Variants in NPFFR2 observed in about 807,000 individuals in gnomAD.
NPFFR2 encodes neuropeptide FF receptor 2.
A neutral mutation model predicts 13.1 loss-of-function variants in NPFFR2; 15 were observed. The observed-to-expected ratio is 1.15, with a 90% CI of 0.77 to 1.76. NPFFR2 has a LOEUF of 1.76. Among genes scored for constraint, NPFFR2 ranks in the 40% most tolerant of loss-of-function variants. NPFFR2 has a pLI of 0.00. For missense variants in NPFFR2, 572 were observed against 503.5 expected, an observed-to-expected ratio of 1.14 and a Z score of -1.30; for synonymous variants, 190 against 175.7, an observed-to-expected ratio of 1.08 and a Z score of -0.65.
At chr4:72,051,340 T>C (rs1231670903) in intron 1 of NPFFR2, among the ~76,000 whole-genome samples, 2 of 152,086 alleles carry the variant, frequency 1.3e-5, no homozygotes, top group African/African-American at 4.8e-5. Flanking sequence ...ATTAAGAAAC[T>C]CACTCAAAAC....
rs1304082909 is a variant in NPFFR2, at chr4:72,102,532, C to G, written c.-7-26053C>G. Among the ~76,000 whole-genome samples, 3 of 132,108 alleles carry G rather than the reference C, an allele frequency of 2.3e-5. No individual in the cohort carries two copies. The Admixed American group carries it at 2.4e-4, about 10-fold the overall frequency. 86.7% of individuals were successfully genotyped at this position (132,108 alleles called of 152,430 possible). ...CTAATGCTATCCCTCCCCCCTCCCC[C>G]CACCCACAACAGTCCCCGGTGTGTG... On this transcript the variant is annotated intron_variant, in intron 1 of 3. Transcript: ENST00000308744.
Position 72,147,587 on chromosome 4 carries a change from A to G in NPFFR2, c.1038A>G (p.Glu346=). 2 of 1,614,100 alleles carry G rather than the reference A, an allele frequency of 1.2e-6. No homozygotes were observed. Among genetic ancestry groups the G allele is most frequent in the East Asian group, 2.2e-5 (1 of 44,884 alleles). ...FNENFRRGFQ[E]AFQLQLCQKR... ...AGAATTTCCGCCGTGGTTTCCAAGAAGCTTTCCAGCTCCAGCTCTGCCAAA... is the reference window on the plus strand; with the variant it reads ...AGAATTTCCGCCGTGGTTTCCAAGAGGCTTTCCAGCTCCAGCTCTGCCAAA... The change falls in exon 4 of 4, where the codon GAA becomes GAG. Residue 346 remains glutamate, a synonymous_variant. Coordinates refer to ENST00000308744, the MANE Select transcript of NPFFR2 (RefSeq NM_004885.3).
chr4:72,111,224 A>AAC lies in NPFFR2; in HGVS notation c.-7-17360_-7-17359insCA, dbSNP rs1347434934. Among the ~76,000 whole-genome samples, 64 of 152,162 alleles carry AAC rather than the reference A, an allele frequency of 4.2e-4. 1 individual carries two copies. Among genetic ancestry groups the AAC allele is most frequent in the African/African-American group, 1.3e-3 (54 of 41,538 alleles). ...TACTAACTTGCTTTGCATATTTGTT[A>AAC]AGTCCAGGTCCCACTTCATGAAATT... On this transcript the variant is annotated intron_variant, in intron 1 of 3. Transcript: ENST00000308744.
chr4:72,076,144 C>T (rs1720430243), intron 1 of NPFFR2, among the ~76,000 whole-genome samples: 1 of 151,004 alleles, frequency 6.6e-6, no homozygotes, highest in Non-Finnish European at 1.5e-5. Context: ...GGGTAAATGT[C>T]AAATCTAGAA....
rs186440555 is a variant in NPFFR2, at chr4:72,086,392, T to C, written c.-7-42193T>C. ...GATATCACTAATAACTCTGTATTTCTGTCTCACTGTAAGCAGGCTACGTTA... is the reference window on the plus strand; with the variant it reads ...GATATCACTAATAACTCTGTATTTCCGTCTCACTGTAAGCAGGCTACGTTA... On this transcript the variant is annotated intron_variant, in intron 1 of 3. Transcript: ENST00000308744. Among the ~76,000 whole-genome samples the C allele has an allele frequency of 5.8e-4, 89 of 152,226 alleles. 1 individual carries two copies. The East Asian group carries it at 0.012, about 21-fold the overall frequency.
At chr4:72,133,437 A>G (rs1173248877) in intron 2 of NPFFR2, among the ~76,000 whole-genome samples, 1 of 152,212 alleles carries the variant, frequency 6.6e-6, no homozygotes, top group Non-Finnish European at 1.5e-5. Flanking sequence ...GAAGTTGGGT[A>G]GCATAATGCC....
At chr4:72,040,927 A>AATACAT (rs1553887464) in intron 1 of NPFFR2, among the ~76,000 whole-genome samples, 9 of 146,804 alleles carry the variant, frequency 6.1e-5, no homozygotes, top group African/African-American at 7.4e-5. Context: ...ACTGCTGTAA[A>AATACAT]ATATATATAT....
intron 1 of NPFFR2, among the ~76,000 whole-genome samples, chr4:72,067,274 A>T (rs4463035): frequency 2.0e-5 from 3 of 152,132 alleles, no homozygotes; most frequent in Non-Finnish European, 4.4e-5. Flanking sequence ...GCCAGTGAGC[A>T]CTGTACCAGA....
chr4:72,135,948 C>G (rs1722397360), intron 2 of NPFFR2, among the ~76,000 whole-genome samples: 1 of 151,972 alleles, frequency 6.6e-6, no homozygotes, highest in Non-Finnish European at 1.5e-5. Context: ...GGATATCCAT[C>G]ACCTCAAGCA....
intron 1 of NPFFR2, among the ~76,000 whole-genome samples, chr4:72,051,117 G>T (rs1719570732): frequency 6.6e-6 from 1 of 151,710 alleles, no homozygotes; most frequent in Non-Finnish European, 1.5e-5. Flanking sequence ...TAGTCCTCTG[G>T]GTATATACCC....
chr4:72,080,696 C>T (rs1203423965), intron 1 of NPFFR2, among the ~76,000 whole-genome samples: 2 of 152,054 alleles, frequency 1.3e-5, no homozygotes, highest in Non-Finnish European at 2.9e-5. Context: ...GCTATGTTCT[C>T]CATAATCTCC....
intron 1 of NPFFR2, among the ~76,000 whole-genome samples, chr4:72,062,534 A>G (rs59724335): frequency 1.3e-5 from 2 of 151,984 alleles, no homozygotes; most frequent in Non-Finnish European, 2.9e-5. Flanking sequence ...AAAAAAAAAA[A>G]AAAGAAGTCG....
At chr4:72,090,060 C>T (rs1346923104) in intron 1 of NPFFR2, among the ~76,000 whole-genome samples, 1 of 152,156 alleles carries the variant, frequency 6.6e-6, no homozygotes, top group Non-Finnish European at 1.5e-5. Context: ...ATTATCCCAG[C>T]ACCATTTGTT....
chr4:72,093,375 TC>T (rs1453169495), intron 1 of NPFFR2, among the ~76,000 whole-genome samples: 1 of 152,214 alleles, frequency 6.6e-6, no homozygotes, highest in Non-Finnish European at 1.5e-5. Flanking sequence ...GATGTCTAGA[TC>T]TCTAGCAAGG....
intron 1 of NPFFR2, among the ~76,000 whole-genome samples, chr4:72,092,139 G>A (rs963552602): frequency 7.9e-5 from 12 of 151,902 alleles, no homozygotes; most frequent in East Asian, 1.9e-4. Flanking sequence ...ATGTATTTGC[G>A]TGGTTTTGTG....
intron 1 of NPFFR2, among the ~76,000 whole-genome samples, chr4:72,033,451 A>G (rs1405789934): frequency 6.6e-6 from 1 of 152,176 alleles, no homozygotes; most frequent in Non-Finnish European, 1.5e-5. Context: ...TAATAATAAA[A>G]AAATGTGCTT....
intron 2 of NPFFR2, among the ~76,000 whole-genome samples, chr4:72,133,603 G>A (rs899571209): frequency 7.2e-5 from 11 of 152,174 alleles, no homozygotes; most frequent in African/African-American, 2.7e-4. Flanking sequence ...TGGGCAGTAT[G>A]GCCATTTTCA....
At chr4:72,067,503 C>T (rs1441792916) in intron 1 of NPFFR2, among the ~76,000 whole-genome samples, 3 of 152,164 alleles carry the variant, frequency 2.0e-5, no homozygotes, top group Admixed American at 6.5e-5. Context: ...ATCAAATGGT[C>T]TCTTGGGTAT....
At chr4:72,078,966 A>G (rs562664042) in intron 1 of NPFFR2, among the ~76,000 whole-genome samples, 16 of 152,182 alleles carry the variant, frequency 1.1e-4, no homozygotes, top group Non-Finnish European at 2.2e-4. Flanking sequence ...ATAGAAGGGT[A>G]GCACAAGGAA....
Sources: allele counts gnomAD v4.1 joint callset (sites outside exome capture counted in the v4.1 genomes callset), GRCh38; gene constraint gnomAD v4.1.1; transcripts MANE v1.5; gene names NCBI Gene and HGNC (gene_info 2026-07-23, HGNC 2026-07-21).